SEMA5B: variants seen among roughly 807,000 people sequenced by gnomAD.
SEMA5B encodes semaphorin-5B.
Under a neutral mutation model 135.0 loss-of-function variants are expected in SEMA5B, and 66 were observed. The ratio of observed to expected loss-of-function variants is 0.49; its 90% CI spans 0.40 to 0.60. SEMA5B has a LOEUF of 0.60. SEMA5B is among the 20% of genes least tolerant of loss of function. SEMA5B has a pLI of 0.00. For missense variants in SEMA5B, 1,501 were observed against 1,566.3 expected, an observed-to-expected ratio of 0.96 and a Z score of 0.70; for synonymous variants, 690 against 639.5, an observed-to-expected ratio of 1.08 and a Z score of -1.19.
chr3:122,935,674 TTTTC>T (rs1355929831), intron 5 of SEMA5B, among the ~76,000 whole-genome samples: 30 of 127,428 alleles, frequency 2.4e-4, no homozygotes, highest in Middle Eastern at 4.1e-3. Flanking sequence ...TTTTTTTTCT[TTTTC>T]TTTCTTTCTT....
Position 122,912,386 on chromosome 3 carries a change from G to A in SEMA5B, c.2726-44C>T, listed in dbSNP as rs375752961. 1,165 of 1,486,580 alleles carry A rather than the reference G, an allele frequency of 7.8e-4. 9 individuals are homozygous for A. The highest frequency in any genetic ancestry group is 3.1e-4 in the Non-Finnish European group (344 of 1,110,564). The allele number at this position is 1,486,580 out of a possible 1,614,324, so 92.1% of individuals were successfully genotyped here. A position where few individuals can be genotyped will look rare whatever the true frequency, so the allele number is the denominator to read the frequency against. ...TGTGAGGGGCTGTAGGGGCAGCCAG[G>A]GCCCAAGACGGTCTTCCATCCCATA... On this transcript the variant is annotated intron_variant, in intron 18 of 22. Coordinates refer to ENST00000357599, the MANE Select transcript of SEMA5B (RefSeq NM_001031702.4).
In SEMA5B at chr3:122,982,175, T is replaced by C. The variant is rs1941540546; in HGVS notation, c.-38-20874A>G. On this transcript the variant is annotated intron_variant, in intron 1 of 22. Coordinates refer to ENST00000357599, the MANE Select transcript of SEMA5B (RefSeq NM_001031702.4). ...TCCCATGAGCAGCAGCTGGTTGGCC[T>C]GACACCTCCAAACCCTTCCTCATTT... Among the ~76,000 whole-genome samples, 3 of 152,378 alleles carry C rather than the reference T, an allele frequency of 2.0e-5. No homozygotes were observed. The South Asian group carries it at 6.2e-4, about 32-fold the overall frequency.
chr3:122,916,103 G>A (rs1938064917), intron 12 of SEMA5B, among the ~76,000 whole-genome samples: 1 of 152,206 alleles, frequency 6.6e-6, no homozygotes, highest in South Asian at 2.1e-4. Flanking sequence ...CCCCAATGAA[G>A]TGGGTACTGT....
chr3:122,914,297 T>C (rs1937948172), intron 14 of SEMA5B, among the ~76,000 whole-genome samples: 2 of 152,226 alleles, frequency 1.3e-5, no homozygotes, highest in Admixed American at 1.3e-4. Context: ...GCAGACTCTT[T>C]AGAGAAGAAG....
At chr3:122,987,271 TC>T (rs915381526) in intron 1 of SEMA5B, among the ~76,000 whole-genome samples, 3 of 151,798 alleles carry the variant, frequency 2.0e-5, no homozygotes, top group Non-Finnish European at 2.9e-5. Flanking sequence ...TGCAGTCTTG[TC>T]CCCCCCATAA....
intron 1 of SEMA5B, among the ~76,000 whole-genome samples, chr3:122,962,937 G>T (rs1313838203): frequency 6.6e-6 from 1 of 152,126 alleles, no homozygotes; most frequent in African/African-American, 2.4e-5. Context: ...AGTCACAATG[G>T]GTGGCTACAG....
intron 3 of SEMA5B, among the ~76,000 whole-genome samples, chr3:122,946,527 C>T (rs978071838): frequency 2.4e-4 from 36 of 152,080 alleles, no homozygotes; most frequent in Admixed American, 1.3e-4. Context: ...AACACAGCAT[C>T]CCCAGAGCAC....
intron 5 of SEMA5B, among the ~76,000 whole-genome samples, chr3:122,931,546 T>C (rs952615836): frequency 2.6e-5 from 4 of 152,216 alleles, no homozygotes; most frequent in African/African-American, 7.2e-5. Context: ...TTCAGACATA[T>C]GTTTTATCAT....
At chr3:122,913,477 C>T in intron 16 of SEMA5B, 53 bp from the exon 17 acceptor site, 1 of 1,569,988 alleles carries the variant, frequency 6.4e-7, no homozygotes, top group Non-Finnish European at 8.6e-7. Flanking sequence ...CAGGCCCGCC[C>T]TCCCCTCGGC....
intron 1 of SEMA5B, among the ~76,000 whole-genome samples, chr3:123,012,327 T>C (rs1942454391): frequency 6.6e-6 from 1 of 152,082 alleles, no homozygotes; most frequent in Admixed American, 6.5e-5. Flanking sequence ...TTATGCCTTC[T>C]CCCCCATGTT....
In SEMA5B at chr3:122,912,361, T is replaced by A. The variant is rs781277587; in HGVS notation, c.2726-19A>T. The A allele has an allele frequency of 7.7e-6, 12 of 1,551,610 alleles. No individual in the cohort carries two copies. Among genetic ancestry groups the A allele is most frequent in the Admixed American group, 3.8e-5 (2 of 53,222 alleles). ...CCCCGAACTGCAAGGGGACGGGGTG[T>A]GTGAGGGGCTGTAGGGGCAGCCAGG... On this transcript the variant is annotated intron_variant, in intron 18 of 22. Coordinates refer to ENST00000357599, the MANE Select transcript of SEMA5B (RefSeq NM_001031702.4).
chr3:123,012,172 C>A (rs1342375217), intron 1 of SEMA5B, among the ~76,000 whole-genome samples: 3 of 152,176 alleles, frequency 2.0e-5, no homozygotes, highest in African/African-American at 7.2e-5. Context: ...CGGGGCTCAT[C>A]GCTCCTTCAG....
At chr3:122,980,982 T>C (rs927991193) in intron 1 of SEMA5B, among the ~76,000 whole-genome samples, 4 of 152,240 alleles carry the variant, frequency 2.6e-5, no homozygotes, top group African/African-American at 7.2e-5. Flanking sequence ...CGTTGTAGCA[T>C]GTATCCTTAA....
chr3:122,957,760 T>C (rs375800324), intron 2 of SEMA5B, among the ~76,000 whole-genome samples: 2 of 152,272 alleles, frequency 1.3e-5, no homozygotes. Flanking sequence ...CCACTGCCAG[T>C]GAAGCTGGGA....
Position 122,915,803 on chromosome 3 carries a change from G to T in SEMA5B, c.1776C>A (p.Ser592Arg), listed in dbSNP as rs555457414. ...CSTLEDSSNM[S>R]LWTQNITACP... ...AGGCGGTGATGTTCTGGGTCCAGAG[G>T]CTCATGTTGGAGCTGTCCTCGAGTG... is the stretch of plus-strand genomic sequence containing the variant. The change falls in exon 13 of 23, where the codon AGC (serine) becomes AGA (arginine). Residue 592 changes from serine (S) to arginine (R), a missense_variant. Physicochemically the swap from Ser to Arg is moderately radical, Grantham distance 110. This residue lies in a region of SEMA5B where 927 missense variants were observed against 881.6 expected (regional missense o/e 1.05). Transcript: ENST00000357599. 5.0e-6 allele frequency: 8 copies of T among 1,614,122 alleles called. No individual in the cohort carries two copies. The East Asian group carries it at 1.8e-4, about 36-fold the overall frequency.
intron 10 of SEMA5B, 78 bp from the exon 11 acceptor site, chr3:122,922,525 A>C (rs1938418013): frequency 7.3e-7 from 1 of 1,362,802 alleles, no homozygotes. Context: ...TCCTCCTGGC[A>C]ACCCAGGTGG....
At chr3:122,945,963 G>C (rs1328502005) in intron 3 of SEMA5B, among the ~76,000 whole-genome samples, 1 of 151,892 alleles carries the variant, frequency 6.6e-6, no homozygotes, top group African/African-American at 2.4e-5. Flanking sequence ...GGGGATCCTA[G>C]GGGGGCCTTG....
At chr3:122,976,167 G>T (rs975463591) in intron 1 of SEMA5B, 3 of 1,526,564 alleles carry the variant, frequency 2.0e-6, no homozygotes, top group Non-Finnish European at 2.6e-6. Flanking sequence ...GTGTTGGGCT[G>T]TGCAGATGCA....
chr3:122,922,592 C>G lies in SEMA5B; in HGVS notation c.1273-145G>C, dbSNP rs146896086. 15 of 711,612 alleles carry G rather than the reference C, an allele frequency of 2.1e-5. No individual in the cohort carries two copies. The Admixed American group carries it at 3.6e-4, about 17-fold the overall frequency. The allele number at this position is 711,612 out of a possible 1,614,324, so 44.1% of individuals were successfully genotyped here. The stretch of plus-strand genomic sequence containing the variant: ...CCCCACCCCTAGCATCCCTGCTGGG[C>G]GTCCTGCACCCTTTCCAGGGTGGGA... On this transcript the variant is annotated intron_variant, in intron 10 of 22. Transcript: ENST00000357599.
Sources: allele counts gnomAD v4.1 joint callset (sites outside exome capture counted in the v4.1 genomes callset), GRCh38; gene constraint gnomAD v4.1.1; regional missense constraint gnomAD v4.1.1; transcripts MANE v1.5; gene names NCBI Gene and HGNC (gene_info 2026-07-23, HGNC 2026-07-21).